TRAPPC9: variants seen among roughly 807,000 people sequenced by gnomAD.
TRAPPC9 encodes the protein trafficking protein particle complex subunit 9, also known as IKK2 binding protein.
TRAPPC9 carries 83 observed loss-of-function variants against 124.0 expected under a neutral mutation model. That is an observed-to-expected ratio of 0.67 (90% CI 0.56 to 0.80). The LOEUF (loss-of-function observed/expected upper bound fraction) is 0.80. Ranked by LOEUF, TRAPPC9 falls within the 30% of genes least tolerant of loss-of-function variation. The pLI, the probability that TRAPPC9 is intolerant of heterozygous loss-of-function variation, is 0.00. For missense variants in TRAPPC9, 1,302 were observed against 1,508.3 expected (o/e 0.86, Z 2.27); for synonymous variants, 638 against 617.5 (o/e 1.03, Z -0.49).
chr8:140,127,388 T>G (rs1254581817), intron 17 of TRAPPC9, among the ~76,000 whole-genome samples: 1 of 152,166 alleles, frequency 6.6e-6, no homozygotes, highest in African/African-American at 2.4e-5. Flanking sequence ...TTAAATTTAT[T>G]TTTGGTGATT....
chr8:140,206,583 G>A (rs923112557), intron 17 of TRAPPC9, among the ~76,000 whole-genome samples: 2 of 151,896 alleles, frequency 1.3e-5, no homozygotes, highest in African/African-American at 2.4e-5. Context: ...ACTCCCTTAC[G>A]GTCTTAAGGT....
chr8:139,930,903 A>G (rs902619899), intron 19 of TRAPPC9, among the ~76,000 whole-genome samples: 2 of 152,170 alleles, frequency 1.3e-5, no homozygotes, highest in African/African-American at 4.8e-5. Context: ...GGACACCTGC[A>G]TTAGCTCATT....
chr8:140,202,053 A>G (rs1451813884), intron 17 of TRAPPC9, among the ~76,000 whole-genome samples: 1 of 152,142 alleles, frequency 6.6e-6, no homozygotes, highest in Non-Finnish European at 1.5e-5. Flanking sequence ...GCCATTTATT[A>G]GCCACATTAG....
chr8:139,817,703 G>C (rs1431499477), intron 21 of TRAPPC9, among the ~76,000 whole-genome samples: 1 of 152,194 alleles, frequency 6.6e-6, no homozygotes, highest in Admixed American at 6.5e-5. Flanking sequence ...CCTTTGCAAG[G>C]GTCCTAATGA....
At chr8:140,370,758 T>C (rs1441506206) in intron 8 of TRAPPC9, among the ~76,000 whole-genome samples, 2 of 152,210 alleles carry the variant, frequency 1.3e-5, no homozygotes, top group African/African-American at 4.8e-5. Context: ...CTGATAAAGA[T>C]TCAAGAATCC....
chr8:139,875,003 G>T (rs1476077344), intron 21 of TRAPPC9, among the ~76,000 whole-genome samples: 3 of 152,222 alleles, frequency 2.0e-5, no homozygotes, highest in Non-Finnish European at 2.9e-5. Context: ...GGGGACGCTG[G>T]AAGTTACGCC....
intron 16 of TRAPPC9, among the ~76,000 whole-genome samples, chr8:140,249,545 AT>A (rs551875118): frequency 7.3e-6 from 1 of 137,408 alleles, no homozygotes; most frequent in African/African-American, 2.7e-5. Context: ...TTCACACTGT[AT>A]TTTTTTTCCT....
At chr8:140,323,830 T>TA (rs1389532606) in intron 9 of TRAPPC9, among the ~76,000 whole-genome samples, 1 of 152,118 alleles carries the variant, frequency 6.6e-6, no homozygotes, top group African/African-American at 2.4e-5. Context: ...CAAAACTCGA[T>TA]AAAAAACCCA....
intron 21 of TRAPPC9, among the ~76,000 whole-genome samples, chr8:139,771,245 A>C (rs555941004): frequency 1.3e-5 from 2 of 152,176 alleles, no homozygotes; most frequent in African/African-American, 4.8e-5. Context: ...CGCATCATCT[A>C]TCTGCCACAT....
rs554329434 is a variant in TRAPPC9 at position 139,965,131 on chromosome 8, G to T, written c.2810+23595C>A. 5.2e-4 allele frequency among the ~76,000 whole-genome samples: 79 copies of T among 152,298 alleles called. 1 individual carries two copies. The highest frequency in any genetic ancestry group is 5.1e-4 in the Non-Finnish European group (35 of 68,028). ...TCTCTGGGGGACACAGGGCCCAGCT[G>T]CCTTCCACAGGCTTCTAACCACAAG... On this transcript the variant is annotated intron_variant, in intron 19 of 22. Transcript: ENST00000438773.
chr8:140,016,962 G>GT (rs762550169), intron 18 of TRAPPC9, among the ~76,000 whole-genome samples: 14 of 152,056 alleles, frequency 9.2e-5, no homozygotes, highest in Admixed American at 9.2e-4. Flanking sequence ...TTGGTGTTCT[G>GT]TTTTTTAATT....
chr8:140,105,938 C>T (rs1326149411), intron 17 of TRAPPC9, among the ~76,000 whole-genome samples: 1 of 151,774 alleles, frequency 6.6e-6, no homozygotes, highest in Admixed American at 6.6e-5. Context: ...TCTCATCTTT[C>T]CTTAAAAGCA....
At chr8:140,328,677 T>G (rs568716564) in intron 9 of TRAPPC9, among the ~76,000 whole-genome samples, 71 of 151,746 alleles carry the variant, frequency 4.7e-4, no homozygotes, top group African/African-American at 1.7e-3. Flanking sequence ...AAGAACTTAC[T>G]CAGGTAACCA....
intron 10 of TRAPPC9, among the ~76,000 whole-genome samples, chr8:140,306,492 C>CA (rs11447991): frequency 0.66 from 75,549 of 115,210 alleles, 23,372 homozygotes; most frequent in Middle Eastern, 0.71. Context: ...GACTCTGTCT[C>CA]AAAAAAAAAA....
chr8:139,971,848 CAG>C (rs1328446915), intron 19 of TRAPPC9, among the ~76,000 whole-genome samples: 1 of 149,640 alleles, frequency 6.7e-6, no homozygotes, highest in East Asian at 2.0e-4. Context: ...TTTTTTGAGA[CAG>C]AGTCTCGCTC....
chr8:139,793,722 G>A (rs1359689509), intron 21 of TRAPPC9, among the ~76,000 whole-genome samples: 4 of 152,180 alleles, frequency 2.6e-5, no homozygotes, highest in Non-Finnish European at 2.9e-5. Context: ...GAGGTGGTAC[G>A]GTACACCGTG....
chr8:139,858,249 T>C (rs1331509060), intron 21 of TRAPPC9, among the ~76,000 whole-genome samples: 3 of 152,268 alleles, frequency 2.0e-5, no homozygotes, highest in Non-Finnish European at 4.4e-5. Context: ...TGGCTGCTTT[T>C]TCCTGTACTT....
Position 139,776,939 on chromosome 8 carries a change from T to C in TRAPPC9, c.3056-44737A>G, listed in dbSNP as rs1180284790. ...TGTGCCTTGCACCCTCTGTAGCTCCTGTGTGCCAGTTCCCAGCTTGCCTGT... is the reference window on the plus strand; with the variant it reads ...TGTGCCTTGCACCCTCTGTAGCTCCCGTGTGCCAGTTCCCAGCTTGCCTGT... On this transcript the variant is annotated intron_variant, in intron 21 of 22. Coordinates refer to ENST00000438773, the MANE Select transcript of TRAPPC9 (RefSeq NM_001160372.4). The surrounding 1 kb of genome is among the most constrained non-coding windows in gnomAD (Gnocchi z 4.1). Among the ~76,000 whole-genome samples the C allele has an allele frequency of 6.6e-6, 1 of 152,240 alleles. No homozygotes were observed. The highest frequency in any genetic ancestry group is 1.5e-5 in the Non-Finnish European group (1 of 68,040).
chr8:140,311,439 T>C (rs886192028), intron 9 of TRAPPC9, 65 bp from the exon 10 acceptor site: 2 of 1,592,206 alleles, frequency 1.3e-6, no homozygotes, highest in African/African-American at 2.7e-5. Flanking sequence ...TGGCTTTCAT[T>C]TTACTTGGGG....
Sources: gnomAD v4.1 joint callset for allele counts (sites outside exome capture counted in the v4.1 genomes callset) on GRCh38, gnomAD v4.1.1 for gene constraint, Gnocchi (gnomAD v3.1) non-coding constraint, MANE v1.5 for transcripts, NCBI Gene and HGNC (gene_info 2026-07-23, HGNC 2026-07-21) for gene names.